RAB7A: variants seen among roughly 807,000 people sequenced by gnomAD.
RAB7A encodes RAB7A, member RAS oncogene family, also known as ras-related protein Rab-7a.
A neutral mutation model predicts 24.5 loss-of-function variants in RAB7A; 2 were observed. The observed-to-expected ratio is 0.08, with a 90% CI of 0.03 to 0.26. RAB7A has a LOEUF of 0.26. RAB7A is among the 10% of genes least tolerant of loss of function. The probability of loss-of-function intolerance (pLI) is 1.00; values close to 1 mark genes in which losing one functional copy is unlikely to be tolerated. For synonymous variants in RAB7A, 100 were observed against 95.9 expected, an observed-to-expected ratio of 1.04 and a Z score of -0.25; for missense variants, 118 against 255.7, an observed-to-expected ratio of 0.46 and a Z score of 3.67.
chr3:128,742,399 A>G (rs575333260), intron 1 of RAB7A, among the ~76,000 whole-genome samples: 7 of 152,162 alleles, frequency 4.6e-5, no homozygotes, highest in Non-Finnish European at 8.8e-5. Context: ...CGGGTTGCCC[A>G]TGCTGGCTCG....
At position 128,747,870 on chromosome 3, in the gene RAB7A, C is replaced by A. The variant is rs547163762; in HGVS notation, c.-9+21511C>A. On this transcript the variant is annotated intron_variant, in intron 1 of 5. Coordinates refer to ENST00000265062, the MANE Select transcript of RAB7A (RefSeq NM_004637.6). ...GCAACCTCCGCCTCATGGGCTCAAG[C>A]AATTCTCCTGCCTCAGCCTCCCAAG... Among the ~76,000 whole-genome samples, 43 of 151,542 alleles carry A rather than the reference C, an allele frequency of 2.8e-4. 2 individuals are homozygous for A. Among genetic ancestry groups the A allele is most frequent in the African/African-American group, 1.0e-3 (42 of 40,946 alleles).
intron 1 of RAB7A, among the ~76,000 whole-genome samples, chr3:128,794,494 G>T (rs1933525682): frequency 6.6e-6 from 1 of 152,208 alleles, no homozygotes; most frequent in African/African-American, 2.4e-5. Flanking sequence ...AGGCACTGCT[G>T]TCAGCCTTGC....
intron 1 of RAB7A, among the ~76,000 whole-genome samples, chr3:128,741,287 A>G (rs1275903486): frequency 6.6e-6 from 1 of 152,128 alleles, no homozygotes; most frequent in Non-Finnish European, 1.5e-5. Context: ...TTTGTAACAT[A>G]GAGACTTTTC....
intron 1 of RAB7A, among the ~76,000 whole-genome samples, chr3:128,737,682 C>CTG (rs2070504032): frequency 6.7e-6 from 1 of 150,132 alleles, no homozygotes; most frequent in South Asian, 2.1e-4. Context: ...GGGTCTCACT[C>CTG]TGTCACTCAG....
intron 1 of RAB7A, among the ~76,000 whole-genome samples, chr3:128,784,687 T>G (rs981613107): frequency 2.0e-5 from 3 of 152,186 alleles, no homozygotes; most frequent in African/African-American, 7.2e-5. Flanking sequence ...GAAAACTGTT[T>G]GTTCCCTTTT....
At chr3:128,812,219 A>T (rs909603668) in intron 5 of RAB7A, among the ~76,000 whole-genome samples, 2 of 152,170 alleles carry the variant, frequency 1.3e-5, no homozygotes. Flanking sequence ...GGTTCAAGCA[A>T]TTCTCCTGCC....
intron 1 of RAB7A, among the ~76,000 whole-genome samples, chr3:128,761,999 G>C (rs1280835237): frequency 6.6e-6 from 1 of 152,156 alleles, no homozygotes; most frequent in Non-Finnish European, 1.5e-5. Context: ...TGTTTTGCCA[G>C]TTATCTTAAA....
At chr3:128,745,522 T>C (rs1320576672) in intron 1 of RAB7A, among the ~76,000 whole-genome samples, 1 of 152,102 alleles carries the variant, frequency 6.6e-6, no homozygotes, top group Admixed American at 6.6e-5. Flanking sequence ...CGCACCACCA[T>C]GCCCAACTAA....
intron 1 of RAB7A, chr3:128,749,060 G>C (rs1275149928): frequency 6.6e-6 from 1 of 152,190 alleles, no homozygotes; most frequent in East Asian, 1.9e-4. Flanking sequence ...AGAGTCTGCT[G>C]TTTTTATGTT....
chr3:128,810,615 T>C (rs2107617364), intron 5 of RAB7A, among the ~76,000 whole-genome samples: 1 of 150,876 alleles, frequency 6.6e-6, no homozygotes, highest in South Asian at 2.1e-4. Context: ...GCAAGGTGTC[T>C]CTGGTGTCAC....
intron 3 of RAB7A, among the ~76,000 whole-genome samples, chr3:128,804,927 T>A (rs1158895460): frequency 6.6e-6 from 1 of 152,212 alleles, no homozygotes; most frequent in African/African-American, 2.4e-5. Flanking sequence ...CTCTCCCATG[T>A]CACCCCATCT....
chr3:128,774,497 T>C (rs1439207419), intron 1 of RAB7A, among the ~76,000 whole-genome samples: 1 of 152,092 alleles, frequency 6.6e-6, no homozygotes, highest in Non-Finnish European at 1.5e-5. Context: ...AGTTTTGCTC[T>C]GTTGCCCAGG....
chr3:128,743,790 CT>C (rs2070580757), intron 1 of RAB7A, among the ~76,000 whole-genome samples: 3 of 140,692 alleles, frequency 2.1e-5, no homozygotes, highest in African/African-American at 9.0e-5. Flanking sequence ...ATTTCTCTCT[CT>C]CTTTTTTTTT....
intron 3 of RAB7A, among the ~76,000 whole-genome samples, chr3:128,800,545 A>C (rs1320910406): frequency 6.6e-6 from 1 of 152,206 alleles, no homozygotes; most frequent in Non-Finnish European, 1.5e-5. Context: ...AAGAAGCCCA[A>C]ATTCCAGGAA....
At chr3:128,728,078 T>C (rs2070398471) in intron 1 of RAB7A, among the ~76,000 whole-genome samples, 1 of 152,200 alleles carries the variant, frequency 6.6e-6, no homozygotes, top group Admixed American at 6.5e-5. Context: ...TCATTAAGTA[T>C]TTTGAGTATC....
chr3:128,728,335 A>T (rs942016680), intron 1 of RAB7A, among the ~76,000 whole-genome samples: 2 of 152,242 alleles, frequency 1.3e-5, no homozygotes, highest in Non-Finnish European at 2.9e-5. Context: ...TTTTAACAAC[A>T]GCATTTGTAT....
At chr3:128,738,059 A>T (rs1045138461) in intron 1 of RAB7A, among the ~76,000 whole-genome samples, 2 of 151,480 alleles carry the variant, frequency 1.3e-5, no homozygotes, top group African/African-American at 4.9e-5. Context: ...TTTTGAGACA[A>T]GGTCTCACTG....
chr3:128,798,136 G>A, intron 3 of RAB7A, 67 bp downstream of exon 3: 1 of 1,570,060 alleles, frequency 6.4e-7, no homozygotes, highest in Admixed American at 1.7e-5. Flanking sequence ...CTTTCCTCAT[G>A]CATAGACATT....
chr3:128,747,811 AG>A (rs1396749235), intron 1 of RAB7A, among the ~76,000 whole-genome samples: 3 of 151,228 alleles, frequency 2.0e-5, no homozygotes, highest in Middle Eastern at 3.2e-3. Flanking sequence ...TCTGTCTCCC[AG>A]GCTAGAGTGC....
Sources: gnomAD v4.1 joint callset for allele counts (sites outside exome capture counted in the v4.1 genomes callset) on GRCh38, gnomAD v4.1.1 for gene constraint, MANE v1.5 for transcripts, NCBI Gene and HGNC (gene_info 2026-07-23, HGNC 2026-07-21) for gene names.